Variants in PPP2R3B observed in about 807,000 individuals in gnomAD.
The protein encoded by PPP2R3B is serine/threonine-protein phosphatase 2A regulatory subunit B'' subunit beta.
In PPP2R3B, 68 loss-of-function variants were observed where a neutral mutation model predicts 72.9. The ratio of observed to expected loss-of-function variants is 0.93; its 90% CI spans 0.77 to 1.14. The LOEUF (loss-of-function observed/expected upper bound fraction) is 1.14, where lower values mean the gene tolerates loss of function less well. Among genes scored for constraint, PPP2R3B ranks in the 50% most tolerant of loss-of-function variants. PPP2R3B has a pLI of 0.00. For synonymous variants in PPP2R3B, 466 were observed against 375.8 expected (o/e 1.24, Z -2.78); for missense variants, 1,018 against 842.0 (o/e 1.21, Z -2.59).
At chrX:384,993 A>C (rs1331421344) in intron 1 of PPP2R3B, among the ~76,000 whole-genome samples, 1 of 151,178 alleles carries the variant, frequency 6.6e-6, no homozygotes, top group African/African-American at 2.4e-5. Context: ...AAAAAAAAAA[A>C]AAAAAAAAAA....
intron 2 of PPP2R3B, among the ~76,000 whole-genome samples, chrX:350,589 G>A (rs1185286499): frequency 6.6e-6 from 1 of 152,238 alleles, no homozygotes; most frequent in Non-Finnish European, 1.5e-5. Flanking sequence ...GGTGGCCGTA[G>A]ACAAGGGGAA....
intron 1 of PPP2R3B, among the ~76,000 whole-genome samples, chrX:376,514 T>TGC (rs2071998913): frequency 6.7e-6 from 1 of 149,550 alleles, no homozygotes; most frequent in Non-Finnish European, 1.5e-5. Flanking sequence ...TATACACTAC[T>TGC]GTATGCAGGG....
intron 9 of PPP2R3B, 144 bp downstream of exon 9, chrX:341,163 G>A (rs774909725): frequency 3.9e-6 from 3 of 775,634 alleles, no homozygotes; most frequent in Non-Finnish European, 4.3e-6. Context: ...CCCCTGTGCC[G>A]TGCAGCCCCC....
chrX:335,606 G>A (rs1258036709), intron 12 of PPP2R3B: 2 of 152,212 alleles, frequency 1.3e-5, no homozygotes, highest in African/African-American at 4.8e-5. Flanking sequence ...AAAATCAGAA[G>A]GCCGCGGGCT....
chrX:383,164 C>T (rs2072162153), intron 1 of PPP2R3B, among the ~76,000 whole-genome samples: 1 of 152,160 alleles, frequency 6.6e-6, no homozygotes. Flanking sequence ...TCGACACGTA[C>T]TTTTGGAAAA....
At chrX:384,842 G>A (rs1208011122) in intron 1 of PPP2R3B, among the ~76,000 whole-genome samples, 6 of 151,928 alleles carry the variant, frequency 3.9e-5, no homozygotes, top group East Asian at 3.9e-4. Context: ...AAAATTAGCC[G>A]GGGGTGGTGG....
At chrX:352,519 G>GCTCTGTGTGGATCGTCTGCCCACCTTA (rs2071352226) in intron 2 of PPP2R3B, among the ~76,000 whole-genome samples, 1 of 152,040 alleles carries the variant, frequency 6.6e-6, no homozygotes, top group African/African-American at 2.4e-5. Flanking sequence ...CACACACCTT[G>GCTCTGTGTGGATCGTCTGCCCACCTTA]CTCTGTGTGG....
chrX:350,374 G>GAGC (rs1410670742), intron 2 of PPP2R3B, among the ~76,000 whole-genome samples: 4 of 152,216 alleles, frequency 2.6e-5, no homozygotes, highest in African/African-American at 9.6e-5. Context: ...TGAAGGAAGG[G>GAGC]AGCACCGCTG....
chrX:378,512 C>A (rs1569417720), intron 1 of PPP2R3B, among the ~76,000 whole-genome samples: 2 of 152,308 alleles, frequency 1.3e-5, no homozygotes, highest in East Asian at 3.9e-4. Flanking sequence ...TAGTAACAGG[C>A]AAGCCTATGA....
At chrX:346,330 G>C in intron 5 of PPP2R3B, 70 bp from the exon 6 acceptor site, 1 of 1,450,900 alleles carries the variant, frequency 6.9e-7, no homozygotes, top group South Asian at 1.2e-5. Context: ...CGGAGACCGG[G>C]AGCCGGGAGA....
chrX:349,426 C>A (rs1347833443), intron 2 of PPP2R3B, among the ~76,000 whole-genome samples: 1 of 152,230 alleles, frequency 6.6e-6, no homozygotes, highest in East Asian at 1.9e-4. Context: ...AACACCCCAG[C>A]TGCTCAGACA....
Position 340,829 on chromosome X carries a change from G to C in PPP2R3B, c.1287C>G (p.Ile429Met). 1 of 1,611,034 alleles carries C rather than the reference G, an allele frequency of 6.2e-7. No homozygotes were observed. Among genetic ancestry groups the C allele is most frequent in the South Asian group, 1.1e-5 (1 of 91,024 alleles). ...GGCAGTCCTGGAAGGGCAGGGCCTCGATGGCCATGCTGTCCAGCCTTCGGC... is the reference window on the plus strand; with the variant it reads ...GGCAGTCCTGGAAGGGCAGGGCCTCCATGGCCATGCTGTCCAGCCTTCGGC... ...EQCRRLDSMA[I>M]EALPFQDCLC... The change falls in exon 10 of 13, where the codon ATC (isoleucine) becomes ATG (methionine). Residue 429 changes from isoleucine (I) to methionine (M), a missense_variant. Physicochemically the swap from Ile to Met is conservative, Grantham distance 10. Transcript: ENST00000390665.
intron 2 of PPP2R3B, among the ~76,000 whole-genome samples, chrX:354,867 C>G (rs1271194853): frequency 6.6e-6 from 1 of 152,166 alleles, no homozygotes; most frequent in Non-Finnish European, 1.5e-5. Context: ...AACACAAGAG[C>G]TCCCAGCAAA....
chrX:359,957 T>G, intron 2 of PPP2R3B: 1 of 407,282 alleles, frequency 2.5e-6, no homozygotes, highest in Non-Finnish European at 4.8e-6. Context: ...AAAACAAAAC[T>G]TTTTAAAATA....
chrX:341,507 T>TCCTCCTGCCC (rs2071075656), intron 8 of PPP2R3B, 111 bp from the exon 9 acceptor site: 7 of 1,033,968 alleles, frequency 6.8e-6, no homozygotes, highest in East Asian at 4.8e-5. Flanking sequence ...GGCCCGGCCC[T>TCCTCCTGCCC]CCTCCTGCCC....
chrX:336,579 A>G (rs6422433), intron 12 of PPP2R3B: 131,991 of 152,268 alleles, frequency 0.87, 57,601 homozygotes, highest in African/African-American at 0.97. Context: ...GTACACAGAG[A>G]GGTGAAAAGG....
intron 1 of PPP2R3B, among the ~76,000 whole-genome samples, chrX:363,571 T>G (rs868293472): frequency 3.7e-4 from 1 of 2,682 alleles, no homozygotes; most frequent in Non-Finnish European, 8.8e-4. Flanking sequence ...TCTCCATGAG[T>G]CCACGATCCC....
At chrX:338,220 GGCCGAAGCGGAGGCTGGAAT>G in intron 12 of PPP2R3B, 2 of 383,530 alleles carry the variant, frequency 5.2e-6, no homozygotes, top group Non-Finnish European at 9.8e-6. Context: ...AAGGCTGGAA[GGCCGAAGCGGAGGCTGGAAT>G]GGCCACGGGC....
rs771198555 is a variant in PPP2R3B, at chrX:386,354, G to A, written c.324+14C>T. Reference sequence around the variant, plus strand: ...CCACCTGCGCAGTTGTTAGCAGAAGGAAGAGTAACTTACTACTCTCGTCCC... The same window carrying A: ...CCACCTGCGCAGTTGTTAGCAGAAGAAAGAGTAACTTACTACTCTCGTCCC... On this transcript the variant is annotated intron_variant, in intron 1 of 12. Coordinates refer to ENST00000390665, the MANE Select transcript of PPP2R3B (RefSeq NM_013239.5). 18 of 1,310,288 alleles carry A rather than the reference G, an allele frequency of 1.4e-5. No individual in the cohort carries two copies. Among genetic ancestry groups the A allele is most frequent in the East Asian group, 8.4e-5 (3 of 35,588 alleles). The allele number at this position is 1,310,288 out of a possible 1,614,324, so 81.2% of individuals were successfully genotyped here.
Sources: allele counts gnomAD v4.1 joint callset (sites outside exome capture counted in the v4.1 genomes callset), GRCh38; gene constraint gnomAD v4.1.1; transcripts MANE v1.5; gene names NCBI Gene and HGNC (gene_info 2026-07-23, HGNC 2026-07-21).